The following FOCAD variants were observed in gnomAD, a reference collection of about 807,000 sequenced individuals.
FOCAD encodes the protein focadhesin.
A neutral mutation model predicts 225.6 loss-of-function variants in FOCAD; 198 were observed. The ratio of observed to expected loss-of-function variants is 0.88; its 90% CI spans 0.78 to 0.99. The LOEUF is 0.99. Ranked by LOEUF, FOCAD falls within the 50% of genes least tolerant of loss-of-function variation. The pLI is 0.00. For missense variants in FOCAD, 2,713 were observed against 2,123.6 expected, an observed-to-expected ratio of 1.28 and a Z score of -5.46; for synonymous variants, 897 against 755.0, an observed-to-expected ratio of 1.19 and a Z score of -3.08.
chr9:20,692,662 G>A (rs1013563624), intron 1 of FOCAD, among the ~76,000 whole-genome samples: 1 of 152,154 alleles, frequency 6.6e-6, no homozygotes, highest in Non-Finnish European at 1.5e-5. Flanking sequence ...GCTTATCTCT[G>A]CTCTACGTGG....
intron 24 of FOCAD, among the ~76,000 whole-genome samples, chr9:20,922,397 C>A (rs1049834651): frequency 6.6e-6 from 1 of 152,128 alleles, no homozygotes; most frequent in Non-Finnish European, 1.5e-5. Flanking sequence ...AGAGCTTAAC[C>A]ACTCTAAAGT....
At chr9:20,965,452 G>A (rs1260213050) in intron 35 of FOCAD, among the ~76,000 whole-genome samples, 8 of 152,066 alleles carry the variant, frequency 5.3e-5, no homozygotes, top group Non-Finnish European at 8.8e-5. Context: ...TTCAGGGGCT[G>A]CATGGTATCA....
chr9:20,986,520 C>A, intron 40 of FOCAD, 55 bp downstream of exon 40: 2 of 1,462,180 alleles, frequency 1.4e-6, no homozygotes, highest in South Asian at 1.4e-5. Context: ...CCTGCTGTTG[C>A]TTTTAAGTTG....
intron 42 of FOCAD, among the ~76,000 whole-genome samples, chr9:20,992,923 A>G (rs752533989): frequency 2.6e-5 from 4 of 151,686 alleles, no homozygotes; most frequent in African/African-American, 4.8e-5. Flanking sequence ...AGATTGCGCT[A>G]CTGCACTCCA....
Position 20,929,547 on chromosome 9 carries a change from G to T in FOCAD, c.3268G>T (p.Gly1090Cys). Residue 1090 changes from glycine to cysteine, a missense_variant, in exon 27 of 44, where the codon GGC (glycine) becomes TGC (cysteine). Transcript: ENST00000338382. ...DESQAVQIHM[G>C]LALGMFLSRL... ...GTCTCAAGCCGTGCAAATCCACATG[G>T]GCCTTGCTTTAGGGATGTTTCTCTC... 6.2e-7 allele frequency: 1 copy of T among 1,614,100 alleles called. No individual in the cohort carries two copies. The highest frequency in any genetic ancestry group is 8.5e-7 in the Non-Finnish European group (1 of 1,180,026).
At chr9:20,927,948 T>TTAA (rs1835112000) in intron 26 of FOCAD, 1 of 145,962 alleles carries the variant, frequency 6.9e-6, no homozygotes, top group Non-Finnish European at 1.5e-5. Context: ...ATAGTTGAGG[T>TTAA]AAAAAAAAAA....
intron 15 of FOCAD, among the ~76,000 whole-genome samples, chr9:20,861,858 G>T (rs140981435): frequency 1.5e-4 from 23 of 152,124 alleles, no homozygotes; most frequent in African/African-American, 4.8e-4. Context: ...AAAATCATCA[G>T]TGTTAGCTGG....
At chr9:20,862,963 C>A in intron 16 of FOCAD, 1 of 288,102 alleles carries the variant, frequency 3.5e-6, no homozygotes, top group Non-Finnish European at 6.4e-6. Context: ...TATTGTAAAA[C>A]TAGTGTTTCC....
At position 20,995,911 on chromosome 9, in the gene FOCAD, A is replaced by G. The variant is rs1327321188; in HGVS notation, c.*282A>G. 9.1e-6 allele frequency: 2 copies of G among 218,620 alleles called. No individual in the cohort carries two copies. Among genetic ancestry groups the G allele is most frequent in the Non-Finnish European group, 1.8e-5 (2 of 110,254 alleles). The allele number at this position is 218,620 out of a possible 1,614,324, so 13.5% of individuals were successfully genotyped here. On this transcript the variant is annotated 3_prime_UTR_variant, in exon 44 of 44. Coordinates refer to ENST00000338382, the MANE Select transcript of FOCAD (RefSeq NM_001375567.1). Reference sequence around the variant, plus strand: ...TTCTTTGTGAAAGCTTGAAGATATTATCTTCTCCCTGCTAAATTCCAGTAA... The same window carrying G: ...TTCTTTGTGAAAGCTTGAAGATATTGTCTTCTCCCTGCTAAATTCCAGTAA...
chr9:20,782,043 A>G, intron 10 of FOCAD, 114 bp downstream of exon 10: 1 of 833,252 alleles, frequency 1.2e-6, no homozygotes, highest in Non-Finnish European at 2.0e-6. Context: ...TTCACCATTC[A>G]GTCAGGTAGT....
At chr9:20,798,298 C>G (rs570210000) in intron 11 of FOCAD, among the ~76,000 whole-genome samples, 18 of 152,248 alleles carry the variant, frequency 1.2e-4, no homozygotes, top group African/African-American at 4.3e-4. Context: ...GGATATTGGT[C>G]TAAAATTCTC....
At chr9:20,851,894 A>G (rs1292942453) in intron 15 of FOCAD, among the ~76,000 whole-genome samples, 1 of 151,770 alleles carries the variant, frequency 6.6e-6, no homozygotes, top group Non-Finnish European at 1.5e-5. Flanking sequence ...TTGTTTATGT[A>G]TTGTCCATGG....
At position 20,764,929 on chromosome 9, in the gene FOCAD, A is replaced by G. The variant is rs148930782; in HGVS notation, c.555A>G (p.Pro185=). 8.5e-5 allele frequency: 137 copies of G among 1,614,164 alleles called. No homozygotes were observed. The African/African-American group carries it at 1.6e-3, about 19-fold the overall frequency. The part of the protein sequence containing the change: ...APFLWYLYCE[P]SQLQEYAKLR... The stretch of plus-strand genomic sequence containing the variant: ...TTCTGTGGTATCTGTATTGTGAACC[A>G]TCTCAGTTACAAGAATATGCTAAAC... Residue 185 remains proline (P), a synonymous_variant, in exon 7 of 44, where the codon CCA becomes CCG. Coordinates refer to ENST00000338382, the MANE Select transcript of FOCAD (RefSeq NM_001375567.1).
chr9:20,975,817 TA>T (rs1840176898), intron 35 of FOCAD, among the ~76,000 whole-genome samples: 1 of 152,120 alleles, frequency 6.6e-6, no homozygotes, highest in Non-Finnish European at 1.5e-5. Flanking sequence ...ATGTGGAAGC[TA>T]AAAAAGTTGA....
At chr9:20,952,864 A>G (rs1837807228) in intron 34 of FOCAD, 121 bp from the exon 35 acceptor site, 1 of 754,526 alleles carries the variant, frequency 1.3e-6, no homozygotes, top group African/African-American at 1.8e-5. Context: ...TTGTGCTGAG[A>G]TTAATGGCAT....
intron 5 of FOCAD, among the ~76,000 whole-genome samples, chr9:20,753,844 C>A (rs1828795888): frequency 6.6e-6 from 1 of 151,972 alleles, no homozygotes; most frequent in Non-Finnish European, 1.5e-5. Flanking sequence ...TTTTTCAAAA[C>A]TTGTATAGGT....
chr9:20,740,143 G>A, intron 4 of FOCAD, 93 bp from the exon 5 acceptor site: 7 of 788,464 alleles, frequency 8.9e-6, no homozygotes, highest in Non-Finnish European at 1.5e-5. Context: ...TGGGTGGCAA[G>A]TATTAAAATT....
At chr9:20,934,800 G>C (rs527795138) in intron 28 of FOCAD, among the ~76,000 whole-genome samples, 1 of 152,172 alleles carries the variant, frequency 6.6e-6, no homozygotes, top group South Asian at 2.1e-4. Flanking sequence ...ACCCACATCA[G>C]TAGCTCTTCT....
At chr9:20,778,642 C>T in intron 8 of FOCAD, 39 bp from the exon 9 acceptor site, 1 of 1,157,792 alleles carries the variant, frequency 8.6e-7, no homozygotes, top group South Asian at 1.3e-5. Flanking sequence ...ATTCTGGGAA[C>T]TTCTTTAACA....
Sources: gnomAD v4.1 joint callset for allele counts (sites outside exome capture counted in the v4.1 genomes callset) on GRCh38, gnomAD v4.1.1 for gene constraint, MANE v1.5 for transcripts, NCBI Gene and HGNC (gene_info 2026-07-23, HGNC 2026-07-21) for gene names.